Variants in ATP8A2 observed in about 807,000 individuals in gnomAD.
ATP8A2 encodes the protein phospholipid-transporting ATPase IB.
In ATP8A2, 100 loss-of-function variants were observed where a neutral mutation model predicts 165.6. The ratio of observed to expected loss-of-function variants is 0.60; its 90% CI spans 0.51 to 0.71. The LOEUF is 0.71. Among genes scored for constraint, ATP8A2 ranks in the 30% least tolerant of loss-of-function variants. The pLI is 0.00. For missense variants in ATP8A2, 1,227 were observed against 1,479.5 expected (o/e 0.83, Z 2.80); for synonymous variants, 543 against 548.8 (o/e 0.99, Z 0.15).
intron 33 of ATP8A2, among the ~76,000 whole-genome samples, chr13:25,872,210 G>C (rs1952698848): frequency 6.6e-6 from 1 of 152,258 alleles, no homozygotes; most frequent in African/African-American, 2.4e-5. Context: ...CCAGGCTGGA[G>C]TATCACCTAG....
chr13:25,731,172 G>A (rs1369650494), intron 25 of ATP8A2, among the ~76,000 whole-genome samples: 2 of 105,284 alleles, frequency 1.9e-5, no homozygotes, highest in Admixed American at 1.9e-4. Flanking sequence ...AAAGAAGGAA[G>A]GAAAGAAAGA....
chr13:25,902,045 G>T (rs543180149), intron 33 of ATP8A2, among the ~76,000 whole-genome samples: 1 of 152,288 alleles, frequency 6.6e-6, no homozygotes, highest in African/African-American at 2.4e-5. Flanking sequence ...TAGCCTCATA[G>T]TTATAGAAAA....
Position 25,469,034 on chromosome 13 carries a change from C to G in ATP8A2, c.134C>G (p.Thr45Arg). The G allele has an allele frequency of 6.2e-7, 1 of 1,614,076 alleles. No individual in the cohort carries two copies. Among genetic ancestry groups the G allele is most frequent in the Non-Finnish European group, 8.5e-7 (1 of 1,179,910 alleles). The change falls in exon 2 of 37, where the codon ACG (threonine) becomes AGG (arginine). Residue 45 changes from threonine (T) to arginine (R), a missense_variant. Thr to Arg is a moderately conservative substitution (Grantham distance 71). Transcript: ENST00000381655. The part of the protein sequence containing the change: ...KKAEDEMSRA[T>R]SVGDQLEAPA... ...GCAGAGGATGAGATGTCCCGGGCCA[C>G]GTCTGTTGGAGACCAGCTGGAGGCA...
At chr13:25,629,665 A>G (rs2041189437) in intron 24 of ATP8A2, among the ~76,000 whole-genome samples, 2 of 152,286 alleles carry the variant, frequency 1.3e-5, no homozygotes, top group Middle Eastern at 3.4e-3. Context: ...GGCAAGGCCC[A>G]TCAGAATGTC....
intron 33 of ATP8A2, among the ~76,000 whole-genome samples, chr13:25,929,059 G>A (rs1040145429): frequency 3.9e-5 from 6 of 152,024 alleles, no homozygotes; most frequent in African/African-American, 9.7e-5. Context: ...ACCTCTTCCC[G>A]AGGTTATGTT....
chr13:25,821,661 T>A (rs527881369), intron 27 of ATP8A2, among the ~76,000 whole-genome samples: 1 of 152,300 alleles, frequency 6.6e-6, no homozygotes, highest in African/African-American at 2.4e-5. Context: ...GTTGACCAAA[T>A]AAACTTATTT....
chr13:25,483,427 C>T lies in ATP8A2; in HGVS notation c.221+14306C>T, dbSNP rs144630668. The stretch of plus-strand genomic sequence containing the variant: ...GAGATACACATGTAGGGGGTGATCT[C>T]TGTTGGTTGCGTCATGAAGGAGCTC... On this transcript the variant is annotated intron_variant, in intron 2 of 36. Transcript: ENST00000381655. Among the ~76,000 whole-genome samples, 324 of 152,266 alleles carry T rather than the reference C, an allele frequency of 2.1e-3. 1 individual carries two copies. Among genetic ancestry groups the T allele is most frequent in the African/African-American group, 6.7e-3 (280 of 41,540 alleles).
At chr13:25,384,192 G>C (rs1410988296) in intron 1 of ATP8A2, among the ~76,000 whole-genome samples, 1 of 152,158 alleles carries the variant, frequency 6.6e-6, no homozygotes, top group Admixed American at 6.5e-5. Context: ...CATCAGTCTG[G>C]TTCTTGTTCC....
At chr13:25,574,485 A>G (rs923997072) in intron 18 of ATP8A2, among the ~76,000 whole-genome samples, 4 of 152,212 alleles carry the variant, frequency 2.6e-5, no homozygotes. Context: ...GAATATGTCT[A>G]TATAATTTGT....
At chr13:25,945,824 T>C (rs1370043429) in intron 33 of ATP8A2, among the ~76,000 whole-genome samples, 2 of 152,234 alleles carry the variant, frequency 1.3e-5, no homozygotes, top group African/African-American at 4.8e-5. Flanking sequence ...GGTACTGTGC[T>C]GCAGCCACTG....
intron 18 of ATP8A2, 39 bp from the exon 19 acceptor site, chr13:25,574,769 C>T (rs1413074027): frequency 8.2e-7 from 1 of 1,220,678 alleles, no homozygotes; most frequent in Non-Finnish European, 1.2e-6. Flanking sequence ...GATTTTAATA[C>T]TTTGCACCTC....
At chr13:25,798,144 A>ATTCTC in intron 27 of ATP8A2, among the ~76,000 whole-genome samples, 1 of 152,176 alleles carries the variant, frequency 6.6e-6, no homozygotes, top group East Asian at 1.9e-4. Context: ...CACCCTTGAG[A>ATTCTC]ATCTCCTGGT....
chr13:25,955,181 C>T lies in ATP8A2; in HGVS notation c.3184-6394C>T, dbSNP rs151298614. Among the ~76,000 whole-genome samples the T allele has an allele frequency of 2.4e-3, 361 of 152,048 alleles. 4 individuals carry two copies. The highest frequency in any genetic ancestry group is 7.7e-3 in the African/African-American group (318 of 41,484). ...AGCAGGAAAGATCCAAAATTGACAC[C>T]CAAACATCACAATAAAAGATTACAT... On this transcript the variant is annotated intron_variant, in intron 33 of 36. Coordinates refer to ENST00000381655, the MANE Select transcript of ATP8A2 (RefSeq NM_016529.6).
chr13:25,963,118 A>G (rs1173029379), intron 34 of ATP8A2, among the ~76,000 whole-genome samples: 3 of 152,156 alleles, frequency 2.0e-5, no homozygotes, highest in East Asian at 1.9e-4. Context: ...AGTTTTGGCC[A>G]GGCGCAGTGG....
chr13:25,543,327 A>T lies in ATP8A2; in HGVS notation c.816A>T (p.Arg272Ser). 6.2e-7 allele frequency: 1 copy of T among 1,612,720 alleles called. No homozygotes were observed. The change falls in exon 10 of 37, where the codon AGA (arginine) becomes AGT (serine). Residue 272 changes from arginine (R) to serine (S), a missense_variant. Arg to Ser is a moderately radical substitution (Grantham distance 110, BLOSUM62 -1). Transcript: ENST00000381655. Reference sequence around the variant, plus strand: ...TTGGGCCTGACCAGATCTTATTAAGAGGTACACAGCTTAGAAATACTCAGT... The same window carrying T: ...TTGGGCCTGACCAGATCTTATTAAGTGGTACACAGCTTAGAAATACTCAGT... ...VALGPDQILL[R>S]GTQLRNTQWV...
At chr13:25,860,117 C>A in intron 30 of ATP8A2, 78 bp from the exon 31 acceptor site, 1 of 857,916 alleles carries the variant, frequency 1.2e-6, no homozygotes, top group Non-Finnish European at 1.9e-6. Context: ...TCCTAAAGTT[C>A]CCTGTTTAAT....
intron 27 of ATP8A2, among the ~76,000 whole-genome samples, chr13:25,825,297 A>G (rs999804770): frequency 1.1e-4 from 17 of 151,274 alleles, no homozygotes; most frequent in African/African-American, 4.1e-4. Context: ...AGCTGGGACT[A>G]CAGAGGTGTG....
intron 24 of ATP8A2, among the ~76,000 whole-genome samples, chr13:25,600,583 G>A (rs971122026): frequency 2.6e-5 from 4 of 152,148 alleles, no homozygotes; most frequent in African/African-American, 7.2e-5. Flanking sequence ...CTTTGTTCCC[G>A]GAGTCAGAGC....
intron 1 of ATP8A2, among the ~76,000 whole-genome samples, chr13:25,443,786 T>A (rs1013839122): frequency 2.6e-5 from 4 of 152,224 alleles, no homozygotes; most frequent in Non-Finnish European, 5.9e-5. Context: ...CGGAATTATA[T>A]CTGTTTTGTT....
Sources: gnomAD v4.1 joint callset for allele counts (sites outside exome capture counted in the v4.1 genomes callset) on GRCh38, gnomAD v4.1.1 for gene constraint, MANE v1.5 for transcripts, NCBI Gene and HGNC (gene_info 2026-07-23, HGNC 2026-07-21) for gene names.